SLCO1C1: variants seen among roughly 807,000 people sequenced by gnomAD.
SLCO1C1 encodes the protein solute carrier organic anion transporter family member 1C1.
In SLCO1C1, 70 loss-of-function variants were observed where a neutral mutation model predicts 76.4. The ratio of observed to expected loss-of-function variants is 0.92; its 90% CI spans 0.76 to 1.12. The LOEUF (loss-of-function observed/expected upper bound fraction) is 1.12, where lower values mean the gene tolerates loss of function less well. Ranked by LOEUF, SLCO1C1 falls within the 50% of genes most tolerant of loss-of-function variation. SLCO1C1 has a pLI of 0.00. For synonymous variants in SLCO1C1, 306 were observed against 286.1 expected (o/e 1.07, Z -0.70); for missense variants, 912 against 823.8 (o/e 1.11, Z -1.31).
chr12:20,740,032 C>A, intron 11 of SLCO1C1, 152 bp from the exon 12 acceptor site: 1 of 719,574 alleles, frequency 1.4e-6, no homozygotes, highest in Non-Finnish European at 2.2e-6. Flanking sequence ...ATAGATTTTG[C>A]TTTGCTCAAT....
intron 3 of SLCO1C1, among the ~76,000 whole-genome samples, chr12:20,703,444 C>A (rs1946622434): frequency 6.6e-6 from 1 of 151,750 alleles, no homozygotes. Flanking sequence ...ACATTAGCCT[C>A]AGAACTGTGT....
intron 9 of SLCO1C1, among the ~76,000 whole-genome samples, chr12:20,727,874 A>C (rs1948100499): frequency 6.6e-6 from 1 of 151,784 alleles, no homozygotes; most frequent in South Asian, 2.1e-4. Context: ...GTTATATGTT[A>C]TTTTCTTGTT....
At chr12:20,734,600 G>C (rs1197862555) in intron 10 of SLCO1C1, among the ~76,000 whole-genome samples, 3 of 152,140 alleles carry the variant, frequency 2.0e-5, no homozygotes, top group Non-Finnish European at 4.4e-5. Context: ...GCATGGATCT[G>C]GGGTTTGAAC....
chr12:20,751,028 A>G, intron 14 of SLCO1C1: 1 of 768,348 alleles, frequency 1.3e-6, no homozygotes, highest in South Asian at 2.1e-5. Context: ...TTTTTAAAAT[A>G]TGACAAAAGT....
At chr12:20,751,788 C>G (rs1949320447) in intron 14 of SLCO1C1, among the ~76,000 whole-genome samples, 1 of 152,144 alleles carries the variant, frequency 6.6e-6, no homozygotes, top group South Asian at 2.1e-4. Flanking sequence ...ATAGGTTTCT[C>G]ATGAAATAAA....
chr12:20,732,796 T>C (rs907520908), intron 9 of SLCO1C1, 113 bp from the exon 10 acceptor site: 8 of 1,072,282 alleles, frequency 7.5e-6, no homozygotes, highest in African/African-American at 1.6e-5. Flanking sequence ...CAGTAGATGA[T>C]AGTGACTATT....
At chr12:20,744,246 G>C (rs1248094893) in intron 13 of SLCO1C1, among the ~76,000 whole-genome samples, 2 of 152,042 alleles carry the variant, frequency 1.3e-5, no homozygotes, top group Admixed American at 6.5e-5. Flanking sequence ...TATATGCCTG[G>C]CAAGAATTGG....
chr12:20,702,083 G>A (rs1006594175), intron 3 of SLCO1C1, among the ~76,000 whole-genome samples: 1 of 151,784 alleles, frequency 6.6e-6, no homozygotes, highest in Non-Finnish European at 1.5e-5. Context: ...AATTTAAAGA[G>A]GATAATCCTA....
chr12:20,702,091 C>CTAGT (rs1432341890), intron 3 of SLCO1C1, among the ~76,000 whole-genome samples: 1 of 151,778 alleles, frequency 6.6e-6, no homozygotes, highest in East Asian at 1.9e-4. Context: ...GAGGATAATC[C>CTAGT]TAGTTAGTCT....
chr12:20,706,132 C>A, intron 4 of SLCO1C1, 51 bp downstream of exon 4: 1 of 1,539,602 alleles, frequency 6.5e-7, no homozygotes, highest in South Asian at 1.3e-5. Flanking sequence ...AACTGCATTT[C>A]TCCCTTTTAT....
chr12:20,706,920 T>C (rs1358814320), intron 4 of SLCO1C1, among the ~76,000 whole-genome samples: 1 of 152,198 alleles, frequency 6.6e-6, no homozygotes, highest in Admixed American at 6.5e-5. Context: ...TAGAAGATTA[T>C]ATTTCAAGTG....
At chr12:20,725,970 T>G (rs902523500) in intron 9 of SLCO1C1, among the ~76,000 whole-genome samples, 104 of 152,114 alleles carry the variant, frequency 6.8e-4, no homozygotes, top group African/African-American at 2.2e-3. Flanking sequence ...TAATAGTATC[T>G]AACAATTTTA....
chr12:20,734,804 C>A (rs1304958547), intron 10 of SLCO1C1, among the ~76,000 whole-genome samples: 1 of 152,102 alleles, frequency 6.6e-6, no homozygotes, highest in Non-Finnish European at 1.5e-5. Context: ...AAAGGAGTCA[C>A]CTTGAAAGAC....
rs781333062 is a variant in SLCO1C1, at chr12:20,723,289, G to A, written c.1186+35G>A. ...TCTGCCTTTCATGCTTTCTCAGAGG[G>A]ACTGTCTTAGAGGTACCTGATTAAC... is the stretch of plus-strand genomic sequence containing the variant. On this transcript the variant is annotated intron_variant, in intron 9 of 14. Transcript: ENST00000266509. 9 of 1,606,960 alleles carry A rather than the reference G, an allele frequency of 5.6e-6. No individual in the cohort carries two copies. In the Admixed American group the frequency reaches 6.9e-5, roughly 12 times the overall value.
At chr12:20,724,409 G>A (rs967161656) in intron 9 of SLCO1C1, among the ~76,000 whole-genome samples, 10 of 65,528 alleles carry the variant, frequency 1.5e-4, no homozygotes, top group African/African-American at 4.0e-4. Flanking sequence ...GTGTGTGTGT[G>A]TGTATATATA....
chr12:20,708,510 T>C (rs12307974), intron 4 of SLCO1C1, among the ~76,000 whole-genome samples: 6,852 of 151,902 alleles, frequency 0.045, 245 homozygotes, highest in Middle Eastern at 0.15. Context: ...TTGGGGGTGG[T>C]TGCAGTATCA....
intron 4 of SLCO1C1, 104 bp from the exon 5 acceptor site, chr12:20,711,282 C>A (rs764659604): frequency 7.6e-7 from 1 of 1,309,868 alleles, no homozygotes; most frequent in Non-Finnish European, 1.0e-6. Flanking sequence ...TCAGAGACAG[C>A]TGCAAGCTCA....
At chr12:20,706,131 T>A in intron 4 of SLCO1C1, 50 bp downstream of exon 4, 1 of 1,543,084 alleles carries the variant, frequency 6.5e-7, no homozygotes, top group Non-Finnish European at 8.7e-7. Flanking sequence ...CAACTGCATT[T>A]CTCCCTTTTA....
intron 9 of SLCO1C1, among the ~76,000 whole-genome samples, chr12:20,725,275 AATATATAT>A (rs1947918700): frequency 7.1e-6 from 1 of 141,788 alleles, no homozygotes; most frequent in Non-Finnish European, 1.5e-5. Flanking sequence ...GTATTAATAT[AATATATAT>A]TATATTATTT....
Sources: gnomAD v4.1 joint callset for allele counts (sites outside exome capture counted in the v4.1 genomes callset) on GRCh38, gnomAD v4.1.1 for gene constraint, MANE v1.5 for transcripts, NCBI Gene and HGNC (gene_info 2026-07-23, HGNC 2026-07-21) for gene names.